AFG1L: variants seen among roughly 807,000 people sequenced by gnomAD.
AFG1L encodes the protein AFG1 like ATPase, also known as AFG1-like ATPase.
AFG1L carries 53 observed loss-of-function variants against 62.2 expected under a neutral mutation model. The ratio of observed to expected loss-of-function variants is 0.85; its 90% CI spans 0.68 to 1.07. AFG1L has a LOEUF of 1.07. Ranked by LOEUF, AFG1L falls within the 50% of genes least tolerant of loss-of-function variation. The pLI is 0.00. For missense variants in AFG1L, 555 were observed against 590.5 expected (o/e 0.94, Z 0.62); for synonymous variants, 228 against 210.3 (o/e 1.08, Z -0.73).
chr6:108,490,412 C>G (rs1222803132), intron 10 of AFG1L, among the ~76,000 whole-genome samples: 1 of 152,108 alleles, frequency 6.6e-6, no homozygotes, highest in Non-Finnish European at 1.5e-5. Flanking sequence ...TCAGTAATAT[C>G]TTAGGGTTTG....
intron 7 of AFG1L, among the ~76,000 whole-genome samples, chr6:108,440,585 G>A (rs946027644): frequency 1.3e-5 from 2 of 151,714 alleles, no homozygotes; most frequent in African/African-American, 4.8e-5. Flanking sequence ...CACCTGTAAT[G>A]CCAGCAATTT....
At chr6:108,467,249 CTT>C (rs56898379) in intron 8 of AFG1L, among the ~76,000 whole-genome samples, 125 of 141,912 alleles carry the variant, frequency 8.8e-4, no homozygotes, top group African/African-American at 2.2e-3. Context: ...GAGGTACTTA[CTT>C]TTTTTTTTTT....
At chr6:108,510,085 T>C (rs1774583717) in intron 10 of AFG1L, 127 bp from the exon 11 acceptor site, 11 of 651,382 alleles carry the variant, frequency 1.7e-5, no homozygotes, top group Non-Finnish European at 2.5e-5. Context: ...GGTAACTTGG[T>C]CAAGTTACCC....
chr6:108,386,309 A>T (rs1440583675), intron 6 of AFG1L, among the ~76,000 whole-genome samples: 1 of 151,750 alleles, frequency 6.6e-6, no homozygotes, highest in African/African-American at 2.4e-5. Context: ...CAAAAATACA[A>T]AATTAGCTGG....
At chr6:108,329,576 G>A (rs1778192720) in intron 2 of AFG1L, among the ~76,000 whole-genome samples, 1 of 152,148 alleles carries the variant, frequency 6.6e-6, no homozygotes, top group South Asian at 2.1e-4. Flanking sequence ...TGGGATTACA[G>A]ATGTGAGCCA....
At chr6:108,448,870 C>T (rs1056027169) in intron 8 of AFG1L, among the ~76,000 whole-genome samples, 4 of 152,126 alleles carry the variant, frequency 2.6e-5, no homozygotes, top group Non-Finnish European at 5.9e-5. Context: ...AATTCAAAGG[C>T]CAGGCACAAT....
chr6:108,453,302 T>C (rs1369126933), intron 8 of AFG1L, among the ~76,000 whole-genome samples: 1 of 129,380 alleles, frequency 7.7e-6, no homozygotes, highest in Non-Finnish European at 1.8e-5. Context: ...TTGGCTAATA[T>C]AATGTATTTA....
At position 108,522,478 on chromosome 6, in the gene AFG1L, C is replaced by G; in HGVS notation, c.*53C>G. The G allele has an allele frequency of 1.9e-6, 3 of 1,559,468 alleles. No homozygotes were observed. The highest frequency in any genetic ancestry group is 2.6e-6 in the Non-Finnish European group (3 of 1,142,878). On this transcript the variant is annotated 3_prime_UTR_variant, in exon 13 of 13. Coordinates refer to ENST00000368977, the MANE Select transcript of AFG1L (RefSeq NM_145315.5). ...AGACAAATGGTTAACGCAGGCAGAA[C>G]TCCTTATTGTGGGACTTGAAGGAAT... is the stretch of plus-strand genomic sequence containing the variant.
intron 2 of AFG1L, among the ~76,000 whole-genome samples, chr6:108,334,549 A>T (rs950379672): frequency 9.1e-6 from 1 of 110,462 alleles, no homozygotes; most frequent in Non-Finnish European, 2.1e-5. Context: ...TTAAAAAATT[A>T]AAAAAAAAAC....
chr6:108,396,137 T>G (rs923449808), intron 6 of AFG1L, among the ~76,000 whole-genome samples: 2 of 151,776 alleles, frequency 1.3e-5, no homozygotes, highest in South Asian at 4.2e-4. Flanking sequence ...ACTTGGCCTC[T>G]CAAAGTGCTG....
At chr6:108,311,425 C>G (rs1321958957) in intron 1 of AFG1L, among the ~76,000 whole-genome samples, 1 of 152,194 alleles carries the variant, frequency 6.6e-6, no homozygotes, top group Non-Finnish European at 1.5e-5. Context: ...TCTGCCCGTT[C>G]CCCTTATGAC....
chr6:108,369,020 G>C (rs933682178), intron 6 of AFG1L, among the ~76,000 whole-genome samples: 2 of 152,180 alleles, frequency 1.3e-5, no homozygotes, highest in Non-Finnish European at 1.5e-5. Context: ...TGGGATGCTT[G>C]TCACAGACCA....
rs1463090554 is a variant in AFG1L, at chr6:108,356,793, A to T, written c.621A>T (p.Ala207=). 1 of 1,613,258 alleles carries T rather than the reference A, an allele frequency of 6.2e-7. No homozygotes were observed. Among genetic ancestry groups the T allele is most frequent in the Non-Finnish European group, 8.5e-7 (1 of 1,179,644 alleles). Residue 207 remains alanine (A), a synonymous_variant, in exon 5 of 13, where the codon GCA becomes GCT. Transcript: ENST00000368977. ...APIAEEISEE[A]CLLCFDEFQV... is the part of the protein sequence containing the mutation. Reference sequence around the variant, plus strand: ...TAGCCGAAGAAATCAGCGAAGAAGCATGTCTCCTATGTTTTGATGAATTTC... The same window carrying T: ...TAGCCGAAGAAATCAGCGAAGAAGCTTGTCTCCTATGTTTTGATGAATTTC...
intron 6 of AFG1L, among the ~76,000 whole-genome samples, chr6:108,369,248 G>T (rs1011677944): frequency 6.6e-6 from 1 of 152,078 alleles, no homozygotes; most frequent in African/African-American, 2.4e-5. Context: ...CTACAAAGGG[G>T]CAGGCTCAGG....
intron 1 of AFG1L, among the ~76,000 whole-genome samples, chr6:108,317,745 C>T (rs1190320870): frequency 6.6e-6 from 1 of 152,020 alleles, no homozygotes; most frequent in African/African-American, 2.4e-5. Flanking sequence ...ATAATATTGT[C>T]GTCATTATTT....
intron 7 of AFG1L, among the ~76,000 whole-genome samples, chr6:108,407,599 C>G (rs1781913833): frequency 6.6e-6 from 1 of 151,818 alleles, no homozygotes; most frequent in Non-Finnish European, 1.5e-5. Flanking sequence ...GCAGGAGGCT[C>G]ACACAAGGCC....
At chr6:108,303,211 C>G (rs1198184562) in intron 1 of AFG1L, among the ~76,000 whole-genome samples, 1 of 152,112 alleles carries the variant, frequency 6.6e-6, no homozygotes, top group African/African-American at 2.4e-5. Flanking sequence ...CATGCCTGGC[C>G]TTTTTATTTT....
intron 1 of AFG1L, 31 bp downstream of exon 1, chr6:108,295,249 C>T: frequency 6.3e-7 from 1 of 1,584,176 alleles, no homozygotes; most frequent in Non-Finnish European, 8.5e-7. Context: ...TAGTCCGAGC[C>T]GACTGCATAT....
chr6:108,387,695 A>G (rs930938166), intron 6 of AFG1L: 1 of 152,216 alleles, frequency 6.6e-6, no homozygotes, highest in Non-Finnish European at 1.5e-5. Context: ...ATGATTTTTA[A>G]GTTTTTTTTC....
Sources: gnomAD v4.1 joint callset for allele counts (sites outside exome capture counted in the v4.1 genomes callset) on GRCh38, gnomAD v4.1.1 for gene constraint, MANE v1.5 for transcripts, NCBI Gene and HGNC (gene_info 2026-07-23, HGNC 2026-07-21) for gene names.